The following IQCJ variants were observed in gnomAD, a reference collection of about 807,000 sequenced individuals.
IQCJ encodes the protein IQ motif containing J.
IQCJ carries 9 observed loss-of-function variants against 11.0 expected under a neutral mutation model. The ratio of observed to expected loss-of-function variants is 0.82; its 90% CI spans 0.49 to 1.43. The LOEUF (loss-of-function observed/expected upper bound fraction) is 1.43, where lower values mean the gene tolerates loss of function less well. IQCJ is among the 40% of genes most tolerant of loss of function. IQCJ has a pLI of 0.00. For missense variants in IQCJ, 146 were observed against 133.2 expected, an observed-to-expected ratio of 1.10 and a Z score of -0.47; for synonymous variants, 55 against 51.3, an observed-to-expected ratio of 1.07 and a Z score of -0.31.
In IQCJ at chr3:159,069,467, G is replaced by A. The variant is rs1309820776; in HGVS notation, c.9+26G>A. ...GTAATGTATTTGCTTTTCTAAACGT[G>A]CCACTTTGATGTGCATTATATGCAG... is the stretch of plus-strand genomic sequence containing the variant. On this transcript the variant is annotated intron_variant, in intron 1 of 3. Transcript: ENST00000397832. The A allele has an allele frequency of 1.9e-6, 3 of 1,606,208 alleles. No individual in the cohort carries two copies. In the East Asian group the frequency reaches 6.7e-5, roughly 36 times the overall value.
intron 1 of IQCJ, among the ~76,000 whole-genome samples, chr3:159,232,388 C>A (rs1410260841): frequency 1.3e-5 from 2 of 151,654 alleles, no homozygotes; most frequent in Admixed American, 6.6e-5. Flanking sequence ...TCCTTATTTA[C>A]CCAGTAGTCT....
intron 2 of IQCJ, among the ~76,000 whole-genome samples, chr3:159,248,423 T>C (rs1449017312): frequency 6.6e-6 from 1 of 152,208 alleles, no homozygotes; most frequent in Non-Finnish European, 1.5e-5. Flanking sequence ...AATAGTAGAA[T>C]TTCCCTCCAC....
At chr3:159,089,541 T>C (rs1260975134) in intron 1 of IQCJ, among the ~76,000 whole-genome samples, 2 of 151,916 alleles carry the variant, frequency 1.3e-5, no homozygotes, top group Non-Finnish European at 2.9e-5. Flanking sequence ...ATTCTCCCCG[T>C]CACTTTCAGG....
chr3:159,220,089 T>G (rs1725450443), intron 1 of IQCJ, among the ~76,000 whole-genome samples: 1 of 152,196 alleles, frequency 6.6e-6, no homozygotes, highest in Non-Finnish European at 1.5e-5. Flanking sequence ...CTATGACATG[T>G]GCTCCCTTAA....
chr3:159,248,579 G>T (rs1727407664), intron 2 of IQCJ, among the ~76,000 whole-genome samples: 1 of 152,136 alleles, frequency 6.6e-6, no homozygotes, highest in Admixed American at 6.5e-5. Flanking sequence ...CTTAGAATCA[G>T]CTGGGGAGCT....
Position 159,262,945 on chromosome 3 carries a change from G to A in IQCJ, c.*214G>A, listed in dbSNP as rs1728302715. 2.3e-6 allele frequency: 3 copies of A among 1,291,072 alleles called. No individual in the cohort carries two copies. Among genetic ancestry groups the A allele is most frequent in the Non-Finnish European group, 2.9e-6 (3 of 1,018,996 alleles). 80.0% of individuals were successfully genotyped at this position (1,291,072 alleles called of 1,614,324 possible). A position where few individuals can be genotyped will look rare whatever the true frequency, so the allele number is the denominator to read the frequency against. ...GTGTTCTCATTTCTCTATTATGGAG[G>A]TATCTTTTTTGCTTTTCTTTATAAT... is the stretch of plus-strand genomic sequence containing the variant. On this transcript the variant is annotated 3_prime_UTR_variant, in exon 4 of 4. Transcript: ENST00000397832.
intron 1 of IQCJ, among the ~76,000 whole-genome samples, chr3:159,156,860 A>G (rs1314479776): frequency 1.3e-5 from 2 of 152,242 alleles, no homozygotes; most frequent in African/African-American, 4.8e-5. Flanking sequence ...CCAATGATTA[A>G]TAACATATAA....
At chr3:159,187,159 A>T (rs923613255) in intron 1 of IQCJ, among the ~76,000 whole-genome samples, 3 of 152,234 alleles carry the variant, frequency 2.0e-5, no homozygotes, top group African/African-American at 7.2e-5. Flanking sequence ...GTATTTACTG[A>T]GCTCTTATTA....
At chr3:159,129,356 T>C (rs1444284343) in intron 1 of IQCJ, among the ~76,000 whole-genome samples, 5 of 152,218 alleles carry the variant, frequency 3.3e-5, no homozygotes, top group Non-Finnish European at 7.3e-5. Context: ...GCTAGTCCTA[T>C]AGAGCTAGCC....
intron 1 of IQCJ, among the ~76,000 whole-genome samples, chr3:159,103,167 C>G (rs1428674684): frequency 6.6e-6 from 1 of 152,132 alleles, no homozygotes; most frequent in Non-Finnish European, 1.5e-5. Context: ...AAAGATTTCA[C>G]CTGAAGATTT....
At chr3:159,084,392 A>AT (rs1038885335) in intron 1 of IQCJ, among the ~76,000 whole-genome samples, 32 of 152,230 alleles carry the variant, frequency 2.1e-4, no homozygotes, top group African/African-American at 7.5e-4. Flanking sequence ...ATTTGAAGAT[A>AT]TTGGTAAATC....
chr3:159,193,721 G>T (rs545186686), intron 1 of IQCJ, among the ~76,000 whole-genome samples: 8 of 152,114 alleles, frequency 5.3e-5, no homozygotes, highest in Admixed American at 4.6e-4. Flanking sequence ...TAATCAACTT[G>T]CCACCAGTTG....
At chr3:159,209,386 A>G (rs868807746) in intron 1 of IQCJ, among the ~76,000 whole-genome samples, 2 of 151,990 alleles carry the variant, frequency 1.3e-5, no homozygotes, top group South Asian at 2.1e-4. Context: ...AGTCACTTCC[A>G]CTGCTTAATG....
intron 1 of IQCJ, among the ~76,000 whole-genome samples, chr3:159,110,760 G>A (rs1718574672): frequency 6.6e-6 from 1 of 152,126 alleles, no homozygotes; most frequent in African/African-American, 2.4e-5. Context: ...TCTGCATCTG[G>A]CATAAACGGG....
chr3:159,124,939 C>T (rs1719589258), intron 1 of IQCJ, among the ~76,000 whole-genome samples: 2 of 152,110 alleles, frequency 1.3e-5, no homozygotes, highest in African/African-American at 4.8e-5. Context: ...ACAACATACT[C>T]GCAAGGTACA....
chr3:159,170,290 A>G (rs1722418931), intron 1 of IQCJ, among the ~76,000 whole-genome samples: 1 of 152,118 alleles, frequency 6.6e-6, no homozygotes, highest in South Asian at 2.1e-4. Flanking sequence ...ATTATAAAGC[A>G]TATTGGAAAG....
At chr3:159,239,747 A>T (rs189130433) in intron 1 of IQCJ, among the ~76,000 whole-genome samples, 1 of 152,330 alleles carries the variant, frequency 6.6e-6, no homozygotes, top group East Asian at 1.9e-4. Context: ...AACATTACAA[A>T]GGTTGCAATA....
Position 159,263,626 on chromosome 3 carries a change from A to G in IQCJ, c.*895A>G, listed in dbSNP as rs921949164. 1 of 985,256 alleles carries G rather than the reference A, an allele frequency of 1.0e-6. No homozygotes were observed. The highest frequency in any genetic ancestry group is 4.7e-5 in the South Asian group (1 of 21,288). The allele number at this position is 985,256 out of a possible 1,614,324, so 61.0% of individuals were successfully genotyped here. ...AATTTTTCTTTTACTTTTGGTTATC[A>G]TGTTTATTCTGTGGTAAAAAGGTTT... On this transcript the variant is annotated 3_prime_UTR_variant, in exon 4 of 4. Coordinates refer to ENST00000397832, the MANE Select transcript of IQCJ (RefSeq NM_001042706.3).
At chr3:159,254,764 C>A (rs1577118692) in intron 3 of IQCJ, among the ~76,000 whole-genome samples, 1 of 152,112 alleles carries the variant, frequency 6.6e-6, no homozygotes, top group East Asian at 1.9e-4. Flanking sequence ...CTCTCCCACC[C>A]CCATGTACTA....
Sources: gnomAD v4.1 joint callset for allele counts (sites outside exome capture counted in the v4.1 genomes callset) on GRCh38, gnomAD v4.1.1 for gene constraint, MANE v1.5 for transcripts, NCBI Gene and HGNC (gene_info 2026-07-23, HGNC 2026-07-21) for gene names.